Variants in DLGAP2 observed in about 807,000 individuals in gnomAD.
The protein encoded by DLGAP2 is disks large-associated protein 2.
A neutral mutation model predicts 100.3 loss-of-function variants in DLGAP2; 26 were observed. That is an observed-to-expected ratio of 0.26 (90% CI 0.19 to 0.36). The LOEUF (loss-of-function observed/expected upper bound fraction) is 0.36. Among genes scored for constraint, DLGAP2 ranks in the 10% least tolerant of loss-of-function variants. The probability of loss-of-function intolerance (pLI) is 1.00; values close to 1 mark genes in which losing one functional copy is unlikely to be tolerated. For synonymous variants in DLGAP2, 886 were observed against 630.1 expected, an observed-to-expected ratio of 1.41 and a Z score of -6.08; for missense variants, 1,858 against 1,453.2, an observed-to-expected ratio of 1.28 and a Z score of -4.53.
At chr8:906,467 T>C (rs1798382995) in intron 1 of DLGAP2, among the ~76,000 whole-genome samples, 1 of 152,154 alleles carries the variant, frequency 6.6e-6, no homozygotes, top group African/African-American at 2.4e-5. Flanking sequence ...TGAATGGGCA[T>C]GGCTGTGGAA....
chr8:1,204,389 G>T (rs1797946513), intron 2 of DLGAP2, among the ~76,000 whole-genome samples: 1 of 152,246 alleles, frequency 6.6e-6, no homozygotes, highest in Non-Finnish European at 1.5e-5. Flanking sequence ...ATTTTGGAGT[G>T]AAGTGATACT....
At chr8:1,558,122 G>T (rs1262202265) in intron 5 of DLGAP2, among the ~76,000 whole-genome samples, 1 of 152,190 alleles carries the variant, frequency 6.6e-6, no homozygotes, top group East Asian at 1.9e-4. Context: ...GCATCCTGGG[G>T]GCTCCCATGT....
intron 2 of DLGAP2, chr8:1,247,036 A>G (rs28414048): frequency 0.048 from 936 of 19,636 alleles, 10 homozygotes; most frequent in African/African-American, 0.12. Flanking sequence ...GATGGTCCAC[A>G]TCGGTGGCCG....
chr8:1,681,796 C>T (rs1006517144), intron 12 of DLGAP2, among the ~76,000 whole-genome samples: 2 of 152,218 alleles, frequency 1.3e-5, no homozygotes, highest in African/African-American at 4.8e-5. Flanking sequence ...TAAACTGGGG[C>T]TCTGAGAGAT....
intron 1 of DLGAP2, among the ~76,000 whole-genome samples, chr8:888,834 T>C (rs781672762): frequency 5.9e-5 from 9 of 152,184 alleles, no homozygotes; most frequent in Non-Finnish European, 1.0e-4. Flanking sequence ...TGACAACCCC[T>C]GTTGGAGGGT....
chr8:1,414,690 A>G (rs2129899349), intron 3 of DLGAP2, among the ~76,000 whole-genome samples: 1 of 151,136 alleles, frequency 6.6e-6, no homozygotes, highest in South Asian at 2.1e-4. Context: ...TCTTGCCTTT[A>G]CAAGCATGGA....
chr8:1,201,615 G>T (rs1797875883), intron 2 of DLGAP2, among the ~76,000 whole-genome samples: 1 of 152,342 alleles, frequency 6.6e-6, no homozygotes, highest in African/African-American at 2.4e-5. Context: ...CACAGGTGCA[G>T]CTCACACAGG....
In DLGAP2 at chr8:1,701,510, T is replaced by A. The variant is rs774521379; in HGVS notation, c.*104T>A. ...CTGTCTCCTCCTCCCGCTGAACACG[T>A]CCTCGCTCCCGCGCTCCCCGCGCCC... On this transcript the variant is annotated 3_prime_UTR_variant, in exon 15 of 15. Transcript: ENST00000637795. 1 of 1,230,030 alleles carries A rather than the reference T, an allele frequency of 8.1e-7. No homozygotes were observed. Among genetic ancestry groups the A allele is most frequent in the Non-Finnish European group, 1.1e-6 (1 of 905,056 alleles). 76.2% of individuals were successfully genotyped at this position (1,230,030 alleles called of 1,614,324 possible). A position where few individuals can be genotyped will look rare whatever the true frequency, so the allele number is the denominator to read the frequency against.
At chr8:1,466,007 G>A (rs1584931298) in intron 3 of DLGAP2, among the ~76,000 whole-genome samples, 1 of 152,358 alleles carries the variant, frequency 6.6e-6, no homozygotes, top group East Asian at 1.9e-4. Flanking sequence ...AGCAGAGGCC[G>A]TGGGAGTCAT....
intron 8 of DLGAP2, among the ~76,000 whole-genome samples, chr8:1,656,809 T>G (rs1166291657): frequency 1.3e-5 from 2 of 152,226 alleles, no homozygotes; most frequent in Non-Finnish European, 2.9e-5. Context: ...GTCATTCCAT[T>G]GGCCTCAGAG....
chr8:1,683,954 G>GTGTGTATATA (rs1450063590), intron 12 of DLGAP2, among the ~76,000 whole-genome samples: 3 of 74,734 alleles, frequency 4.0e-5, no homozygotes, highest in Non-Finnish European at 6.9e-5. Context: ...ATATATGTGT[G>GTGTGTATATA]TATATATATA....
chr8:759,769 C>T (rs1383839577), intron 1 of DLGAP2, among the ~76,000 whole-genome samples: 1 of 152,224 alleles, frequency 6.6e-6, no homozygotes, highest in African/African-American at 2.4e-5. Context: ...TAAGTATTTA[C>T]TACCTCTTCC....
At chr8:923,714 C>T (rs1013129249) in intron 2 of DLGAP2, among the ~76,000 whole-genome samples, 5 of 152,122 alleles carry the variant, frequency 3.3e-5, no homozygotes, top group African/African-American at 1.2e-4. Flanking sequence ...TGAATTGAAC[C>T]TGTGCTTGTA....
chr8:1,135,589 C>T (rs762300048), intron 2 of DLGAP2, among the ~76,000 whole-genome samples: 4 of 128,328 alleles, frequency 3.1e-5, no homozygotes, highest in East Asian at 2.6e-4. Context: ...GGAGACGGAG[C>T]GTGGCACACC....
intron 3 of DLGAP2, among the ~76,000 whole-genome samples, chr8:1,267,988 A>C (rs1799503243): frequency 6.6e-6 from 1 of 152,238 alleles, no homozygotes; most frequent in Admixed American, 6.5e-5. Context: ...AGGTGAAGCC[A>C]CAGCTATTCA....
chr8:943,416 G>A (rs948773130), intron 2 of DLGAP2, among the ~76,000 whole-genome samples: 1 of 152,224 alleles, frequency 6.6e-6, no homozygotes, highest in Admixed American at 6.5e-5. Context: ...TCATATGTGC[G>A]GCACCCGCGT....
At chr8:1,540,179 G>A (rs1801313686) in intron 4 of DLGAP2, among the ~76,000 whole-genome samples, 1 of 152,162 alleles carries the variant, frequency 6.6e-6, no homozygotes, top group African/African-American at 2.4e-5. Flanking sequence ...TCTCTGCCCT[G>A]GTCAAGCCCT....
At chr8:1,381,102 A>G (rs1483021580) in intron 3 of DLGAP2, 2 of 152,260 alleles carry the variant, frequency 1.3e-5, no homozygotes, top group African/African-American at 4.8e-5. Flanking sequence ...GTCACGGCGC[A>G]TGGTGAGGAG....
intron 1 of DLGAP2, among the ~76,000 whole-genome samples, chr8:859,907 T>G (rs899131406): frequency 2.0e-5 from 3 of 152,174 alleles, no homozygotes; most frequent in Non-Finnish European, 4.4e-5. Context: ...CATGGGCTTA[T>G]GTGGGCTTCC....
Sources: allele counts gnomAD v4.1 joint callset (sites outside exome capture counted in the v4.1 genomes callset), GRCh38; gene constraint gnomAD v4.1.1; transcripts MANE v1.5; gene names NCBI Gene and HGNC (gene_info 2026-07-23, HGNC 2026-07-21).